PADI3: variants seen among roughly 807,000 people sequenced by gnomAD.
The protein encoded by PADI3 is peptidyl arginine deiminase 3, also known as protein-arginine deiminase type-3.
PADI3 carries 53 observed loss-of-function variants against 71.5 expected under a neutral mutation model. That is an observed-to-expected ratio of 0.74 (90% CI 0.59 to 0.93). PADI3 has a LOEUF of 0.93. PADI3 is among the 40% of genes least tolerant of loss of function. PADI3 has a pLI of 0.00. For synonymous variants in PADI3, 361 were observed against 347.5 expected, an observed-to-expected ratio of 1.04 and a Z score of -0.43; for missense variants, 821 against 868.0, an observed-to-expected ratio of 0.95 and a Z score of 0.68.
At chr1:17,266,179 C>T (rs1214531039) in intron 4 of PADI3, among the ~76,000 whole-genome samples, 1 of 152,198 alleles carries the variant, frequency 6.6e-6, no homozygotes, top group Admixed American at 6.5e-5. Context: ...GCCCACAGTT[C>T]ATAATGTGCT....
chr1:17,279,190 C>T (rs2073370680), intron 13 of PADI3, among the ~76,000 whole-genome samples: 2 of 152,166 alleles, frequency 1.3e-5, no homozygotes. Flanking sequence ...GCCACCCCAC[C>T]CTCGAGGGCT....
rs965140258 is a variant in PADI3 at position 17,283,157 on chromosome 1, C to T, written c.*78C>T. 9.9e-6 allele frequency: 11 copies of T among 1,106,246 alleles called. No homozygotes were observed. Among genetic ancestry groups the T allele is most frequent in the Admixed American group, 5.8e-5 (3 of 51,372 alleles). The allele number at this position is 1,106,246 out of a possible 1,614,324, so 68.5% of individuals were successfully genotyped here. A position where few individuals can be genotyped will look rare whatever the true frequency, so the allele number is the denominator to read the frequency against. ...GTGGAGACAGAGACAGGCCCCTGAA[C>T]GATAAGCACCAAGAGACCCCAAGGC... On this transcript the variant is annotated 3_prime_UTR_variant, in exon 16 of 16. Coordinates refer to ENST00000375460, the MANE Select transcript of PADI3 (RefSeq NM_016233.2).
At chr1:17,261,999 T>C (rs556186238) in intron 2 of PADI3, 134 bp from the exon 3 acceptor site, 9 of 688,730 alleles carry the variant, frequency 1.3e-5, no homozygotes, top group Non-Finnish European at 2.2e-5. Flanking sequence ...GAAAAATAAA[T>C]GGCACAGAGG....
intron 6 of PADI3, among the ~76,000 whole-genome samples, chr1:17,269,655 A>G (rs969157137): frequency 5.9e-5 from 9 of 151,710 alleles, no homozygotes; most frequent in Non-Finnish European, 1.3e-4. Context: ...TTCTCGCTCC[A>G]TGCCCAGGCT....
At chr1:17,254,425 A>C (rs1210366114) in intron 1 of PADI3, among the ~76,000 whole-genome samples, 1 of 152,182 alleles carries the variant, frequency 6.6e-6, no homozygotes, top group Non-Finnish European at 1.5e-5. Flanking sequence ...CCCTGAGTCC[A>C]TGAAGGGAGA....
At chr1:17,255,578 G>A (rs906918708) in intron 1 of PADI3, among the ~76,000 whole-genome samples, 13 of 152,200 alleles carry the variant, frequency 8.5e-5, no homozygotes, top group African/African-American at 3.1e-4. Flanking sequence ...TAGGAAATGG[G>A]AAGCTAGATC....
intron 10 of PADI3, 52 bp downstream of exon 10, chr1:17,273,499 A>C: frequency 8.2e-7 from 1 of 1,223,538 alleles, no homozygotes; most frequent in Non-Finnish European, 1.2e-6. Context: ...GCCTTACCCC[A>C]GGGGCCACAC....
intron 13 of PADI3, chr1:17,277,869 G>T (rs562239539): frequency 8.1e-4 from 125 of 154,594 alleles, no homozygotes; most frequent in Admixed American, 1.3e-3. Flanking sequence ...ATACCCAGAG[G>T]CCACAATACT....
At chr1:17,261,313 C>G (rs965317383) in intron 2 of PADI3, among the ~76,000 whole-genome samples, 1 of 152,198 alleles carries the variant, frequency 6.6e-6, no homozygotes, top group Non-Finnish European at 1.5e-5. Flanking sequence ...CGCTGTGGGC[C>G]GGGCACCGAG....
rs755800421 is a variant in PADI3, at chr1:17,270,166, G to A, written c.653-67G>A. ...TTGGTGAGGCTGCAGACCTCTTCCT[G>A]TGTCCCTCATACTCATGCTCCCTGG... On this transcript the variant is annotated intron_variant, in intron 6 of 15. Coordinates refer to ENST00000375460, the MANE Select transcript of PADI3 (RefSeq NM_016233.2). The A allele has an allele frequency of 3.4e-4, 519 of 1,519,120 alleles. 1 individual carries two copies. The highest frequency in any genetic ancestry group is 2.8e-4 in the Non-Finnish European group (312 of 1,132,500). The allele number at this position is 1,519,120 out of a possible 1,614,324, so 94.1% of individuals were successfully genotyped here.
chr1:17,258,470 A>G (rs904890682), intron 1 of PADI3, among the ~76,000 whole-genome samples: 2 of 152,274 alleles, frequency 1.3e-5, no homozygotes, highest in Non-Finnish European at 2.9e-5. Flanking sequence ...AATGAGGGAA[A>G]TGCAATCTCA....
Position 17,266,943 on chromosome 1 carries a change from A to C in PADI3, c.526+107A>C. 4 of 831,316 alleles carry C rather than the reference A, an allele frequency of 4.8e-6. No individual in the cohort carries two copies. The South Asian group carries it at 6.0e-5, about 13-fold the overall frequency. The allele number at this position is 831,316 out of a possible 1,614,324, so 51.5% of individuals were successfully genotyped here. On this transcript the variant is annotated intron_variant, in intron 5 of 15. Coordinates refer to ENST00000375460, the MANE Select transcript of PADI3 (RefSeq NM_016233.2). ...ACTCTGAGGCCAGAGTCCAGGGGAG[A>C]GCGCCAGCCTCCAGACACACCTCGA...
At chr1:17,251,766 T>G (rs1187369612) in intron 1 of PADI3, among the ~76,000 whole-genome samples, 2 of 152,230 alleles carry the variant, frequency 1.3e-5, no homozygotes, top group Non-Finnish European at 2.9e-5. Context: ...AACATTCAGT[T>G]ATGTTAACTG....
intron 15 of PADI3, among the ~76,000 whole-genome samples, chr1:17,282,265 T>C (rs956844323): frequency 2.6e-5 from 4 of 152,178 alleles, no homozygotes; most frequent in Non-Finnish European, 5.9e-5. Context: ...GAGGGCAGGA[T>C]AGCTGCAGCA....
chr1:17,280,474 G>A (rs1197522115), intron 14 of PADI3, 45 bp downstream of exon 14: 1 of 1,562,722 alleles, frequency 6.4e-7, no homozygotes, highest in Admixed American at 1.7e-5. Flanking sequence ...TTGGGAGTAG[G>A]CGGGGCTGGA....
chr1:17,261,791 A>G (rs1161107748), intron 2 of PADI3, among the ~76,000 whole-genome samples: 1 of 152,246 alleles, frequency 6.6e-6, no homozygotes, highest in East Asian at 1.9e-4. Context: ...CCCACAGACA[A>G]GAATGTTGGC....
At position 17,261,023 on chromosome 1, in the gene PADI3, T is replaced by C. The variant is rs72646773; in HGVS notation, c.274-1110T>C. Reference sequence around the variant, plus strand: ...GCCAGGATCCCAGTAATTGTATGTTTGAGGCAAGCATCACTGCTGGTGATT... The same window carrying C: ...GCCAGGATCCCAGTAATTGTATGTTCGAGGCAAGCATCACTGCTGGTGATT... On this transcript the variant is annotated intron_variant, in intron 2 of 15. Transcript: ENST00000375460. Among the ~76,000 whole-genome samples, 871 of 152,292 alleles carry C rather than the reference T, an allele frequency of 5.7e-3. 4 individuals are homozygous for C. Among genetic ancestry groups the C allele is most frequent in the Non-Finnish European group, 9.5e-3 (644 of 68,010 alleles).
At position 17,283,028 on chromosome 1, in the gene PADI3, C is replaced by T; in HGVS notation, c.1944C>T (p.Thr648=). ...HMLHGEVHCG[T]NVCRKPFSFK... is the part of the protein sequence containing the mutation. ...TGCATGGGGAGGTGCACTGTGGCACCAATGTGTGCAGAAAGCCCTTCTCTT... is the reference window on the plus strand; with the variant it reads ...TGCATGGGGAGGTGCACTGTGGCACTAATGTGTGCAGAAAGCCCTTCTCTT... The change falls in exon 16 of 16, where the codon ACC becomes ACT. Residue 648 remains threonine (T), a synonymous_variant. Transcript: ENST00000375460. 6.2e-7 allele frequency: 1 copy of T among 1,614,212 alleles called. No individual in the cohort carries two copies.
chr1:17,255,787 G>T (rs1169592669), intron 1 of PADI3, among the ~76,000 whole-genome samples: 1 of 152,156 alleles, frequency 6.6e-6, no homozygotes, highest in Non-Finnish European at 1.5e-5. Flanking sequence ...ACCCACACTG[G>T]TTCCTTTCAT....
Sources: allele counts gnomAD v4.1 joint callset (sites outside exome capture counted in the v4.1 genomes callset), GRCh38; gene constraint gnomAD v4.1.1; transcripts MANE v1.5; gene names NCBI Gene and HGNC (gene_info 2026-07-23, HGNC 2026-07-21).